ATXN7: variants seen among roughly 807,000 people sequenced by gnomAD.
ATXN7 encodes ataxin-7.
In ATXN7, 12 loss-of-function variants were observed where a neutral mutation model predicts 70.5. That is an observed-to-expected ratio of 0.17 (90% confidence interval 0.11 to 0.28). The LOEUF (loss-of-function observed/expected upper bound fraction) is 0.28. Ranked by LOEUF, ATXN7 falls within the 10% of genes least tolerant of loss-of-function variation. The pLI, the probability that ATXN7 is intolerant of heterozygous loss-of-function variation, is 1.00. For synonymous variants in ATXN7, 498 were observed against 448.7 expected (o/e 1.11, Z -1.39); for missense variants, 1,256 against 1,131.7 (o/e 1.11, Z -1.58).
In ATXN7 at chr3:63,996,316, C is replaced by T; in HGVS notation, c.2494C>T (p.Leu832Phe). Residue 832 changes from leucine to phenylalanine, a missense_variant, in exon 12 of 13, where the codon CTC (leucine) becomes TTC (phenylalanine). Coordinates refer to ENST00000674280, the MANE Select transcript of ATXN7 (RefSeq NM_001377405.1). ...FSHSHTPLDK[L>F]IGKKRKCSPS... ...CCACTCACACACTCCTCTAGACAAA[C>T]TCATAGGAAAGAAAAGAAAGTGCTC... 1 of 1,614,148 alleles carries T rather than the reference C, an allele frequency of 6.2e-7. No homozygotes were observed.
intron 8 of ATXN7, among the ~76,000 whole-genome samples, chr3:63,984,370 A>G (rs928308209): frequency 2.6e-5 from 4 of 151,684 alleles, no homozygotes; most frequent in Non-Finnish European, 4.4e-5. Flanking sequence ...TTTTTTTTGT[A>G]TAGGGTACTA....
At chr3:63,986,104 AGGTAG>A (rs2075574571) in intron 8 of ATXN7, among the ~76,000 whole-genome samples, 1 of 152,050 alleles carries the variant, frequency 6.6e-6, no homozygotes, top group African/African-American at 2.4e-5. Flanking sequence ...GGGATGGGAG[AGGTAG>A]GAGAGGTGGA....
intron 4 of ATXN7, 106 bp downstream of exon 4, chr3:63,913,331 C>T (rs543401485): frequency 4.2e-5 from 51 of 1,202,028 alleles, no homozygotes; most frequent in Middle Eastern, 4.0e-4. Context: ...CCCCGACTCC[C>T]CGTGCCTGCG....
intron 4 of ATXN7, among the ~76,000 whole-genome samples, chr3:63,950,721 C>T (rs1239613186): frequency 2.6e-5 from 4 of 152,176 alleles, no homozygotes; most frequent in Non-Finnish European, 5.9e-5. Context: ...TTCCCCTTCT[C>T]CCACATGTAC....
intron 1 of ATXN7, among the ~76,000 whole-genome samples, chr3:63,895,737 C>T (rs967925957): frequency 2.6e-5 from 4 of 151,400 alleles, no homozygotes; most frequent in Admixed American, 6.6e-5. Context: ...TTCTCCTTTT[C>T]TCTCTCTCTC....
At chr3:63,867,182 C>T (rs1472435977) in intron 1 of ATXN7, 2 of 152,142 alleles carry the variant, frequency 1.3e-5, no homozygotes, top group South Asian at 2.1e-4. Flanking sequence ...GATTCCTGAA[C>T]TCCCTGTAGT....
intron 4 of ATXN7, among the ~76,000 whole-genome samples, chr3:63,941,738 C>A (rs2074772248): frequency 6.6e-6 from 1 of 151,986 alleles, no homozygotes; most frequent in Non-Finnish European, 1.5e-5. Context: ...CATTTGACAT[C>A]TTTTGGTCAA....
At chr3:63,987,764 C>T (rs754780864) in intron 8 of ATXN7, among the ~76,000 whole-genome samples, 13 of 152,064 alleles carry the variant, frequency 8.5e-5, no homozygotes, top group South Asian at 2.1e-4. Flanking sequence ...TGTTATATAG[C>T]GCTAATGGTT....
chr3:63,948,754 G>C (rs2074907160), intron 4 of ATXN7, among the ~76,000 whole-genome samples: 2 of 152,156 alleles, frequency 1.3e-5, no homozygotes, highest in African/African-American at 4.8e-5. Context: ...TCCCTAGTAT[G>C]CTGGCCTGGG....
At chr3:63,919,909 T>C (rs948142746) in intron 4 of ATXN7, among the ~76,000 whole-genome samples, 3 of 151,548 alleles carry the variant, frequency 2.0e-5, no homozygotes, top group Non-Finnish European at 4.4e-5. Context: ...AAGCCCCTCA[T>C]GGTATGTAAA....
rs569708342 is a variant in ATXN7 at position 63,997,779 on chromosome 3, C to G, written c.2661+1296C>G. 693 of 1,504,220 alleles carry G rather than the reference C, an allele frequency of 4.6e-4. 4 individuals carry two copies. In the African/African-American group the frequency reaches 9.0e-3, roughly 19 times the overall value. 93.2% of individuals were successfully genotyped at this position (1,504,220 alleles called of 1,614,324 possible). ...GGGTTAGGACTTTTTCAGAAAATAC[C>G]AAGAAGTTTCTTAGTATTTTCGTAG... is the stretch of plus-strand genomic sequence containing the variant. On this transcript the variant is annotated intron_variant, in intron 12 of 12. Transcript: ENST00000674280.
intron 5 of ATXN7, among the ~76,000 whole-genome samples, chr3:63,975,921 G>A (rs566584831): frequency 6.6e-6 from 1 of 152,226 alleles, no homozygotes; most frequent in African/African-American, 2.4e-5. Context: ...TCTTGTGTCT[G>A]TACTTGTCTG....
intron 1 of ATXN7, among the ~76,000 whole-genome samples, chr3:63,868,052 A>G (rs1280146545): frequency 1.3e-5 from 2 of 152,200 alleles, no homozygotes; most frequent in Non-Finnish European, 2.9e-5. Flanking sequence ...TTAAAAAATT[A>G]TATCTAAAAA....
chr3:63,980,126 A>T lies in ATXN7; in HGVS notation c.711A>T (p.Pro237=). 1 of 1,614,220 alleles carries T rather than the reference A, an allele frequency of 6.2e-7. No individual in the cohort carries two copies. Among genetic ancestry groups the T allele is most frequent in the Non-Finnish European group, 8.5e-7 (1 of 1,180,038 alleles). ...TGCAGCTCAGGGGGAACACCAGGCCAATGCATCCCATTCAGCAAAGTAGAG... is the reference window on the plus strand; with the variant it reads ...TGCAGCTCAGGGGGAACACCAGGCCTATGCATCCCATTCAGCAAAGTAGAG... ...EKLQLRGNTR[P]MHPIQQSRVP... is the part of the protein sequence containing the mutation. The change falls in exon 6 of 13, where the codon CCA becomes CCT. Residue 237 remains proline (P), a synonymous_variant. Transcript: ENST00000674280.
At chr3:63,972,030 C>T (rs543614563) in intron 5 of ATXN7, among the ~76,000 whole-genome samples, 1 of 151,428 alleles carries the variant, frequency 6.6e-6, no homozygotes, top group South Asian at 2.1e-4. Flanking sequence ...GTGAAAGACA[C>T]ATGATGCCAA....
At chr3:63,955,073 G>T (rs1015922852) in intron 5 of ATXN7, among the ~76,000 whole-genome samples, 2 of 151,994 alleles carry the variant, frequency 1.3e-5, no homozygotes, top group Admixed American at 6.6e-5. Context: ...TCCCTAGCAC[G>T]GTATCTCCTA....
rs114135587 is a variant in ATXN7, at chr3:63,995,549, G to A, written c.1727G>A (p.Arg576His). The change falls in exon 12 of 13, where the codon CGT becomes CAT. Residue 576 changes from arginine to histidine, a missense_variant. Physicochemically the swap from Arg to His is conservative, Grantham distance 29. Coordinates refer to ENST00000674280, the MANE Select transcript of ATXN7 (RefSeq NM_001377405.1). ...VPSTTSPISTRIPHRTNSVPT... is the reference protein window; with the variant it reads ...VPSTTSPISTHIPHRTNSVPT... ...AGTACCACCTCACCCATCTCCACAC[G>A]TATTCCTCACCGGACAAACTCTGTG... 9.6e-4 allele frequency: 1,550 copies of A among 1,614,110 alleles called. 2 individuals are homozygous for A. The highest frequency in any genetic ancestry group is 1.2e-3 in the Non-Finnish European group (1,365 of 1,180,010).
At position 63,912,989 on chromosome 3, in the gene ATXN7, C is replaced by T. The variant is rs1204539667; in HGVS notation, c.325+66C>T. ...ACCCCCTCCTCTCTCCTCCCCTCCC[C>T]CCTGCCCCCCTCCTGTGACCCGCCC... is the stretch of plus-strand genomic sequence containing the variant. On this transcript the variant is annotated intron_variant, in intron 3 of 12. Coordinates refer to ENST00000674280, the MANE Select transcript of ATXN7 (RefSeq NM_001377405.1). 2.8e-6 allele frequency: 4 copies of T among 1,416,994 alleles called. No homozygotes were observed. The Admixed American group carries it at 8.0e-5, about 29-fold the overall frequency. The allele number at this position is 1,416,994 out of a possible 1,614,324, so 87.8% of individuals were successfully genotyped here. A position where few individuals can be genotyped will look rare whatever the true frequency, so the allele number is the denominator to read the frequency against.
At chr3:63,928,548 A>T (rs1704809652) in intron 4 of ATXN7, among the ~76,000 whole-genome samples, 1 of 152,212 alleles carries the variant, frequency 6.6e-6, no homozygotes, top group Non-Finnish European at 1.5e-5. Flanking sequence ...TGTGTCACGC[A>T]CTGAGTAAAG....
Sources: allele counts gnomAD v4.1 joint callset (sites outside exome capture counted in the v4.1 genomes callset), GRCh38; gene constraint gnomAD v4.1.1; transcripts MANE v1.5; gene names NCBI Gene and HGNC (gene_info 2026-07-23, HGNC 2026-07-21).